Variants in CNTNAP2 observed in about 807,000 individuals in gnomAD.
CNTNAP2 encodes contactin associated protein 2.
A neutral mutation model predicts 155.2 loss-of-function variants in CNTNAP2; 98 were observed. That is an observed-to-expected ratio of 0.63 (90% CI 0.54 to 0.75). The LOEUF (loss-of-function observed/expected upper bound fraction) is 0.75. Ranked by LOEUF, CNTNAP2 falls within the 30% of genes least tolerant of loss-of-function variation. CNTNAP2 has a pLI of 0.00. For synonymous variants in CNTNAP2, 651 were observed against 631.2 expected (o/e 1.03, Z -0.47); for missense variants, 1,727 against 1,688.1 (o/e 1.02, Z -0.40).
intron 9 of CNTNAP2, among the ~76,000 whole-genome samples, chr7:147,372,555 T>A (rs1300836060): frequency 3.9e-5 from 6 of 152,144 alleles, no homozygotes; most frequent in African/African-American, 1.4e-4. Context: ...CAATTTTCTG[T>A]AATTTAGTAA....
At chr7:147,649,895 G>T (rs765207197) in intron 13 of CNTNAP2, among the ~76,000 whole-genome samples, 6 of 151,918 alleles carry the variant, frequency 3.9e-5, no homozygotes, top group Non-Finnish European at 5.9e-5. Context: ...TTTAAACTTT[G>T]TGAAGGATAA....
At position 148,366,960 on chromosome 7, in the gene CNTNAP2, C is replaced by T. The variant is rs553927858; in HGVS notation, c.3476-16689C>T. Among the ~76,000 whole-genome samples, 58 of 152,300 alleles carry T rather than the reference C, an allele frequency of 3.8e-4. 1 individual carries two copies. Among genetic ancestry groups the T allele is most frequent in the Admixed American group, 1.2e-3 (18 of 15,296 alleles). Reference sequence around the variant, plus strand: ...TAAGAAAAACCATCACAGCTGTGCGCGGTGGCTCACGCCTGTAGTCCCAAC... The same window carrying T: ...TAAGAAAAACCATCACAGCTGTGCGTGGTGGCTCACGCCTGTAGTCCCAAC... On this transcript the variant is annotated intron_variant, in intron 21 of 23. Coordinates refer to ENST00000361727, the MANE Select transcript of CNTNAP2 (RefSeq NM_014141.6).
At chr7:146,263,901 C>T (rs930004949) in intron 1 of CNTNAP2, among the ~76,000 whole-genome samples, 3 of 152,088 alleles carry the variant, frequency 2.0e-5, no homozygotes, top group African/African-American at 7.2e-5. Flanking sequence ...TGAGTTAGTG[C>T]AATTATCTTA....
chr7:146,243,937 C>T (rs551157167), intron 1 of CNTNAP2, among the ~76,000 whole-genome samples: 22 of 152,108 alleles, frequency 1.4e-4, no homozygotes, highest in South Asian at 1.0e-3. Flanking sequence ...AGGGCTGCTT[C>T]GAGCGGGATT....
At chr7:147,680,216 G>C (rs1479531767) in intron 13 of CNTNAP2, among the ~76,000 whole-genome samples, 4 of 151,912 alleles carry the variant, frequency 2.6e-5, no homozygotes, top group Non-Finnish European at 5.9e-5. Context: ...GTGAGGTATA[G>C]AGAGAAAACT....
At chr7:146,349,981 C>T (rs1178842067) in intron 1 of CNTNAP2, among the ~76,000 whole-genome samples, 13 of 152,086 alleles carry the variant, frequency 8.5e-5, no homozygotes, top group South Asian at 8.3e-4. Context: ...ATCTCTGTGG[C>T]GTTCTTTGTA....
chr7:147,681,247 G>A (rs1246523731), intron 13 of CNTNAP2, among the ~76,000 whole-genome samples: 2 of 151,982 alleles, frequency 1.3e-5, no homozygotes, highest in Non-Finnish European at 2.9e-5. Flanking sequence ...GAAGACTTAA[G>A]AAGCTTTTCT....
chr7:147,898,035 C>T (rs1247225992), intron 13 of CNTNAP2, among the ~76,000 whole-genome samples: 5 of 152,206 alleles, frequency 3.3e-5, no homozygotes, highest in Admixed American at 1.3e-4. Context: ...TGAGCTCTCC[C>T]TCTTGACTGT....
At chr7:147,702,210 T>C (rs928995777) in intron 13 of CNTNAP2, among the ~76,000 whole-genome samples, 5 of 152,054 alleles carry the variant, frequency 3.3e-5, no homozygotes, top group African/African-American at 1.2e-4. Context: ...CTCTACAAGA[T>C]ATGACTCTGA....
intron 8 of CNTNAP2, among the ~76,000 whole-genome samples, chr7:147,200,443 C>T (rs1802899700): frequency 6.6e-6 from 1 of 152,152 alleles, no homozygotes; most frequent in Non-Finnish European, 1.5e-5. Flanking sequence ...AGAGGGTCTG[C>T]ATACAGCAGG....
rs563726905 is a variant in CNTNAP2 at position 147,189,972 on chromosome 7, T to C, written c.1348+57463T>C. 1.4e-4 allele frequency among the ~76,000 whole-genome samples: 22 copies of C among 152,228 alleles called. 1 individual carries two copies. The South Asian group carries it at 1.7e-3, about 11-fold the overall frequency. ...TGTTAGCCAGGATGATCTCCATCTC[T>C]TGACCTCGTGATCCACCCGCCTCGG... On this transcript the variant is annotated intron_variant, in intron 8 of 23. Transcript: ENST00000361727.
At chr7:148,186,115 T>C (rs1035793257) in intron 18 of CNTNAP2, among the ~76,000 whole-genome samples, 3 of 152,370 alleles carry the variant, frequency 2.0e-5, no homozygotes, top group African/African-American at 7.2e-5. Flanking sequence ...CTTCTATTAC[T>C]ATAGATGGTT....
At chr7:148,397,907 CAAG>C (rs1799503677) in intron 22 of CNTNAP2, among the ~76,000 whole-genome samples, 1 of 152,196 alleles carries the variant, frequency 6.6e-6, no homozygotes, top group South Asian at 2.1e-4. Flanking sequence ...CAGGTTAACT[CAAG>C]AAGAGAACAG....
intron 8 of CNTNAP2, among the ~76,000 whole-genome samples, chr7:147,274,827 T>C (rs951726563): frequency 2.0e-5 from 3 of 152,132 alleles, no homozygotes; most frequent in Admixed American, 1.3e-4. Flanking sequence ...AAGTTTTTAA[T>C]CTATCTTGTG....
At chr7:146,563,602 A>G (rs986997339) in intron 1 of CNTNAP2, among the ~76,000 whole-genome samples, 1 of 152,102 alleles carries the variant, frequency 6.6e-6, no homozygotes, top group African/African-American at 2.4e-5. Flanking sequence ...GAGTCCTAAT[A>G]TAGTATAGTA....
At chr7:146,418,987 T>C (rs879465515) in intron 1 of CNTNAP2, among the ~76,000 whole-genome samples, 19 of 152,146 alleles carry the variant, frequency 1.2e-4, no homozygotes, top group Non-Finnish European at 2.4e-4. Flanking sequence ...ACGCCTTAAT[T>C]TTGCACTTCT....
chr7:147,031,295 G>T (rs1219401683), intron 3 of CNTNAP2, among the ~76,000 whole-genome samples: 2 of 152,034 alleles, frequency 1.3e-5, no homozygotes, highest in Non-Finnish European at 2.9e-5. Flanking sequence ...GATTTCTGAT[G>T]CTATATTAGA....
chr7:147,443,458 T>A (rs1030776595), intron 10 of CNTNAP2, among the ~76,000 whole-genome samples: 1 of 151,400 alleles, frequency 6.6e-6, no homozygotes, highest in Non-Finnish European at 1.5e-5. Context: ...GTAAGGACTA[T>A]TTTTTTTTCT....
intron 8 of CNTNAP2, among the ~76,000 whole-genome samples, chr7:147,179,922 G>T (rs1802420805): frequency 6.6e-6 from 1 of 152,188 alleles, no homozygotes; most frequent in African/African-American, 2.4e-5. Flanking sequence ...CCCTGCCCCA[G>T]GTTGTGACAA....
Sources: gnomAD v4.1 joint callset for allele counts (sites outside exome capture counted in the v4.1 genomes callset) on GRCh38, gnomAD v4.1.1 for gene constraint, MANE v1.5 for transcripts, NCBI Gene and HGNC (gene_info 2026-07-23, HGNC 2026-07-21) for gene names.